DAB2IP: variants seen among roughly 807,000 people sequenced by gnomAD.
DAB2IP encodes DAB2 interacting protein.
DAB2IP carries 28 observed loss-of-function variants against 107.2 expected under a neutral mutation model. The observed-to-expected ratio is 0.26, with a 90% CI of 0.19 to 0.36. DAB2IP has a LOEUF of 0.36. DAB2IP is among the 10% of genes least tolerant of loss of function. The pLI, the probability that DAB2IP is intolerant of heterozygous loss-of-function variation, is 1.00. For missense variants in DAB2IP, 1,400 were observed against 1,644.7 expected, an observed-to-expected ratio of 0.85 and a Z score of 2.57; for synonymous variants, 755 against 706.4, an observed-to-expected ratio of 1.07 and a Z score of -1.09.
chr9:121,653,714 G>A (rs1469218196), intron 1 of DAB2IP, among the ~76,000 whole-genome samples: 3 of 151,924 alleles, frequency 2.0e-5, no homozygotes, highest in African/African-American at 7.3e-5. Flanking sequence ...ATCCCTGACT[G>A]TAATGGGAGT....
intron 14 of DAB2IP, among the ~76,000 whole-genome samples, chr9:121,778,962 G>A (rs148774267): frequency 4.7e-4 from 71 of 152,124 alleles, no homozygotes; most frequent in African/African-American, 1.6e-3. Context: ...TCTTGGATTT[G>A]TATGTCTGCA....
intron 6 of DAB2IP, 74 bp from the exon 7 acceptor site, chr9:121,763,431 C>T: frequency 2.0e-6 from 3 of 1,529,092 alleles, no homozygotes; most frequent in Non-Finnish European, 2.6e-6. Context: ...ACTTCTCTGG[C>T]TAGGTCTGGA....
intron 1 of DAB2IP, among the ~76,000 whole-genome samples, chr9:121,653,280 A>T (rs1832835498): frequency 6.7e-6 from 1 of 148,762 alleles, no homozygotes; most frequent in Admixed American, 6.7e-5. Context: ...TGGAGGGAGT[A>T]CTAAAGACCT....
chr9:121,712,002 A>G (rs1218046328), intron 3 of DAB2IP, among the ~76,000 whole-genome samples: 2 of 152,250 alleles, frequency 1.3e-5, no homozygotes, highest in Non-Finnish European at 2.9e-5. Context: ...CGTCTCCTGA[A>G]TAATTAATAA....
At chr9:121,640,362 G>A (rs890140155) in intron 1 of DAB2IP, among the ~76,000 whole-genome samples, 4 of 129,686 alleles carry the variant, frequency 3.1e-5, no homozygotes, top group African/African-American at 1.9e-4. Flanking sequence ...CCTGTGTCAG[G>A]GGGGCGACAA....
At chr9:121,670,609 G>A (rs1833638790) in intron 1 of DAB2IP, among the ~76,000 whole-genome samples, 1 of 152,220 alleles carries the variant, frequency 6.6e-6, no homozygotes, top group Non-Finnish European at 1.5e-5. Flanking sequence ...CTCTGTCTGT[G>A]TCAAAGCTGG....
rs565189163 is a variant in DAB2IP at position 121,722,011 on chromosome 9, C to CA, written c.362+22554dup. 2.2e-3 allele frequency among the ~76,000 whole-genome samples: 332 copies of CA among 152,356 alleles called. 2 individuals carry two copies. The highest frequency in any genetic ancestry group is 3.8e-3 in the Non-Finnish European group (259 of 68,040). Reference sequence around the variant, plus strand: ...TGCCCTGAGAGCCTCCAGCTGTGTCCATCCCTCCAGTCAGCAGCGTTTACC... The same window carrying CA: ...TGCCCTGAGAGCCTCCAGCTGTGTCCAATCCCTCCAGTCAGCAGCGTTTACC... On this transcript the variant is annotated intron_variant, in intron 3 of 15. Coordinates refer to ENST00000408936, the Ensembl canonical transcript of DAB2IP.
exon 16 of DAB2IP, chr9:121,783,356 TGTA>T: frequency 6.8e-7 from 1 of 1,480,978 alleles, no homozygotes; most frequent in South Asian, 1.3e-5. Context: ...CTCTGAGCAC[TGTA>T]TCTGCCTTCT....
intron 3 of DAB2IP, among the ~76,000 whole-genome samples, chr9:121,754,957 C>T (rs1404353985): frequency 1.3e-5 from 2 of 152,234 alleles, no homozygotes; most frequent in African/African-American, 4.8e-5. Context: ...AGAGATTTTC[C>T]AAGCTAGGCC....
chr9:121,641,892 C>CCTTTCTTTCTTT (rs71370681), intron 1 of DAB2IP, among the ~76,000 whole-genome samples: 2,433 of 89,196 alleles, frequency 0.027, 95 homozygotes, highest in East Asian at 0.098. Context: ...CATTTCTTTC[C>CCTTTCTTTCTTT]CTTTCTTTCT....
At chr9:121,578,866 G>A (rs796533453) in intron 1 of DAB2IP, among the ~76,000 whole-genome samples, 6 of 149,856 alleles carry the variant, frequency 4.0e-5, no homozygotes, top group South Asian at 2.1e-4. Flanking sequence ...TCAGCCTCCC[G>A]AGTAGCTGGG....
intron 2 of DAB2IP, among the ~76,000 whole-genome samples, chr9:121,679,683 G>A (rs150194011): frequency 2.6e-5 from 4 of 152,166 alleles, no homozygotes; most frequent in Admixed American, 1.3e-4. Context: ...AAGGTTCTGG[G>A]TGGCAGGAAC....
intron 14 of DAB2IP, among the ~76,000 whole-genome samples, chr9:121,778,287 TAAGATA>T (rs1369982489): frequency 3.3e-5 from 5 of 152,164 alleles, no homozygotes; most frequent in Non-Finnish European, 7.3e-5. Context: ...CCCTACCTAT[TAAGATA>T]ATCAATCACC....
At chr9:121,586,674 G>A (rs1446528918) in intron 1 of DAB2IP, among the ~76,000 whole-genome samples, 1 of 152,014 alleles carries the variant, frequency 6.6e-6, no homozygotes, top group African/African-American at 2.4e-5. Context: ...ACCAAAATTA[G>A]CCAGGCAAGG....
intron 1 of DAB2IP, among the ~76,000 whole-genome samples, chr9:121,666,991 T>G (rs1376362848): frequency 6.6e-6 from 1 of 151,882 alleles, no homozygotes; most frequent in Non-Finnish European, 1.5e-5. Context: ...AATCTGAAGA[T>G]TCCATGACTT....
chr9:121,634,277 AGG>A lies in DAB2IP; in HGVS notation c.41-44399_41-44398del, dbSNP rs1349805261. Among the ~76,000 whole-genome samples the A allele has an allele frequency of 2.6e-5, 4 of 152,220 alleles. No individual in the cohort carries two copies. Among genetic ancestry groups the A allele is most frequent in the African/African-American group, 9.7e-5 (4 of 41,448 alleles). ...AATCCTGTGCTTTTAAGACAGGAGT[AGG>A]GCCAGAAAGAGGAGAGATGGAGGAG... On this transcript the variant is annotated intron_variant, in intron 1 of 16. Coordinates refer to the DAB2IP transcript ENST00000259371. The surrounding 1 kb of genome is among the most constrained non-coding windows in gnomAD (Gnocchi z 4.7).
At chr9:121,664,919 C>G (rs966233349) in intron 1 of DAB2IP, among the ~76,000 whole-genome samples, 1 of 152,180 alleles carries the variant, frequency 6.6e-6, no homozygotes, top group African/African-American at 2.4e-5. Flanking sequence ...AACCTCATGT[C>G]CCCTACAGGA....
In DAB2IP at chr9:121,705,748, AGCCCAGGCCCAGGT is replaced by A. The variant is rs1164884404; in HGVS notation, c.362+6294_362+6307del. Reference sequence around the variant, plus strand: ...CCTCTCACCTTCGGTTACCAGGCAGAGCCCAGGCCCAGGTGCCAGGCCTGACAGGTGCCATGGGA... The same window carrying A: ...CCTCTCACCTTCGGTTACCAGGCAGAGCCAGGCCTGACAGGTGCCATGGGA... On this transcript the variant is annotated intron_variant, in intron 3 of 15. Coordinates refer to ENST00000408936, the Ensembl canonical transcript of DAB2IP. Among the ~76,000 whole-genome samples, 10 of 152,316 alleles carry A rather than the reference AGCCCAGGCCCAGGT, an allele frequency of 6.6e-5. No individual in the cohort carries two copies. In the East Asian group the frequency reaches 1.9e-3, roughly 29 times the overall value.
At chr9:121,673,426 G>T (rs1213282356) in intron 1 of DAB2IP, among the ~76,000 whole-genome samples, 2 of 152,304 alleles carry the variant, frequency 1.3e-5, no homozygotes, top group East Asian at 3.9e-4. Context: ...TGTCCTGTGG[G>T]ATTACATTTG....
Sources: allele counts gnomAD v4.1 joint callset (sites outside exome capture counted in the v4.1 genomes callset), GRCh38; gene constraint gnomAD v4.1.1; non-coding constraint Gnocchi (gnomAD v3.1); transcripts MANE v1.5; gene names NCBI Gene and HGNC (gene_info 2026-07-23, HGNC 2026-07-21).